Variants in MTUS1 observed in about 807,000 individuals in gnomAD.
MTUS1 encodes microtubule-associated tumor suppressor 1.
In MTUS1, 109 loss-of-function variants were observed where a neutral mutation model predicts 120.8. The observed-to-expected ratio is 0.90, with a 90% CI of 0.77 to 1.06. The LOEUF is 1.06. MTUS1 is among the 50% of genes least tolerant of loss of function. The pLI is 0.00. For missense variants in MTUS1, 2,210 were observed against 1,486.3 expected (o/e 1.49, Z -8.01); for synonymous variants, 737 against 550.5 (o/e 1.34, Z -4.74).
At chr8:17,656,969 G>A (rs1277479206) in intron 8 of MTUS1, among the ~76,000 whole-genome samples, 1 of 146,568 alleles carries the variant, frequency 6.8e-6, no homozygotes, top group Middle Eastern at 3.6e-3. Context: ...TGAGGCAGGA[G>A]AATGGCGTGA....
chr8:17,777,933 C>A (rs752539639), intron 1 of MTUS1, among the ~76,000 whole-genome samples: 1 of 152,072 alleles, frequency 6.6e-6, no homozygotes, highest in Admixed American at 6.5e-5. Context: ...ATGCAGTTTA[C>A]AAAACTAGGA....
At chr8:17,726,335 G>C (rs1026348146) in intron 3 of MTUS1, among the ~76,000 whole-genome samples, 1 of 152,148 alleles carries the variant, frequency 6.6e-6, no homozygotes, top group African/African-American at 2.4e-5. Context: ...CGTGGACTAA[G>C]CCTTGCTTTC....
chr8:17,779,785 A>AG (rs1245711935), intron 1 of MTUS1, among the ~76,000 whole-genome samples: 9 of 151,976 alleles, frequency 5.9e-5, no homozygotes, highest in South Asian at 2.1e-4. Context: ...CAAGTGTTGG[A>AG]GGGGGGGCGG....
At chr8:17,762,654 G>A (rs1260928906) in intron 1 of MTUS1, among the ~76,000 whole-genome samples, 1 of 152,178 alleles carries the variant, frequency 6.6e-6, no homozygotes, top group Non-Finnish European at 1.5e-5. Flanking sequence ...TTTCAAAATG[G>A]TGGACGGCTA....
Position 17,755,937 on chromosome 8 carries a change from T to C in MTUS1, c.-130A>G. 3 of 1,437,366 alleles carry C rather than the reference T, an allele frequency of 2.1e-6. No homozygotes were observed. The highest frequency in any genetic ancestry group is 1.8e-6 in the Non-Finnish European group (2 of 1,101,422). 89.0% of individuals were successfully genotyped at this position (1,437,366 alleles called of 1,614,324 possible). Reference sequence around the variant, plus strand: ...GAAAGGTTTTCAGTCTAAGATGCTCTGAAGATTAAATGATTTGTTGTTCCC... The same window carrying C: ...GAAAGGTTTTCAGTCTAAGATGCTCCGAAGATTAAATGATTTGTTGTTCCC... On this transcript the variant is annotated 5_prime_UTR_variant, in exon 2 of 15. Coordinates refer to ENST00000693296, the MANE Select transcript of MTUS1 (RefSeq NM_001363059.2).
At chr8:17,669,716 G>A (rs58202233) in intron 8 of MTUS1, among the ~76,000 whole-genome samples, 5,876 of 152,134 alleles carry the variant, frequency 0.039, 367 homozygotes, top group African/African-American at 0.13. Flanking sequence ...GTGGTGGTGC[G>A]CACCTGTATT....
chr8:17,762,005 T>G (rs997363125), intron 1 of MTUS1, among the ~76,000 whole-genome samples: 2 of 152,158 alleles, frequency 1.3e-5, no homozygotes, highest in African/African-American at 2.4e-5. Context: ...TGAGGCCTGG[T>G]GCAGTGGCTC....
chr8:17,740,834 A>G (rs1407985803), intron 3 of MTUS1, among the ~76,000 whole-genome samples: 4 of 152,068 alleles, frequency 2.6e-5, no homozygotes, highest in Non-Finnish European at 4.4e-5. Context: ...TTCTCATTCT[A>G]CCTCACATAC....
intron 2 of MTUS1, among the ~76,000 whole-genome samples, chr8:17,750,080 T>C (rs947232361): frequency 1.3e-5 from 2 of 152,234 alleles, no homozygotes; most frequent in African/African-American, 2.4e-5. Flanking sequence ...GCATGTTCCC[T>C]GTCATCACTC....
At position 17,669,320 on chromosome 8, in the gene MTUS1, G is replaced by A. The variant is rs111878128; in HGVS notation, c.2905+5866C>T. Among the ~76,000 whole-genome samples, 306 of 152,266 alleles carry A rather than the reference G, an allele frequency of 2.0e-3. 3 individuals carry two copies. The highest frequency in any genetic ancestry group is 7.2e-3 in the African/African-American group (299 of 41,542). On this transcript the variant is annotated intron_variant, in intron 8 of 14. Coordinates refer to ENST00000693296, the MANE Select transcript of MTUS1 (RefSeq NM_001363059.2). The stretch of plus-strand genomic sequence containing the variant: ...CCGCGACGGGAGGGGAGTGGAAAGA[G>A]GAGAGTGCACTCCAGGCAGAGAGGA...
intron 3 of MTUS1, among the ~76,000 whole-genome samples, chr8:17,736,591 CTTG>C (rs2046949943): frequency 6.6e-6 from 1 of 151,532 alleles, no homozygotes; most frequent in African/African-American, 2.4e-5. Context: ...TTATTTTTTG[CTTG>C]TTTTTTTTGA....
At chr8:17,694,235 C>G (rs1445458804) in intron 6 of MTUS1, among the ~76,000 whole-genome samples, 3 of 152,180 alleles carry the variant, frequency 2.0e-5, no homozygotes. Context: ...CCAGGAAGAG[C>G]AGTTTCAATG....
At chr8:17,722,193 G>A in intron 4 of MTUS1, 1 of 1,046,528 alleles carries the variant, frequency 9.6e-7, no homozygotes, top group Non-Finnish European at 1.2e-6. Flanking sequence ...GCACTTTACA[G>A]CCTCCTTAGG....
chr8:17,649,534 A>G (rs988554091), intron 13 of MTUS1, among the ~76,000 whole-genome samples: 1 of 152,198 alleles, frequency 6.6e-6, no homozygotes, highest in African/African-American at 2.4e-5. Context: ...CTGATTTTAC[A>G]TAGATATTTA....
intron 7 of MTUS1, among the ~76,000 whole-genome samples, chr8:17,680,011 T>C (rs1814016647): frequency 6.6e-6 from 1 of 152,184 alleles, no homozygotes; most frequent in Non-Finnish European, 1.5e-5. Flanking sequence ...AAGAACTAGA[T>C]GCAGATCCTG....
At chr8:17,801,149 C>G (rs955966568), upstream of MTUS1, among the ~76,000 whole-genome samples, 4 of 151,736 alleles carry the variant, frequency 2.6e-5, no homozygotes, top group Non-Finnish European at 5.9e-5. Context: ...CGCCGAGAAC[C>G]CGCCCCGGAG....
intron 3 of MTUS1, among the ~76,000 whole-genome samples, chr8:17,732,253 C>T (rs963229863): frequency 6.6e-6 from 1 of 152,224 alleles, no homozygotes; most frequent in Non-Finnish European, 1.5e-5. Context: ...CTCTAGCCCT[C>T]CCGAGGAATA....
At chr8:17,786,133 C>A (rs978444863) in intron 1 of MTUS1, among the ~76,000 whole-genome samples, 4 of 152,130 alleles carry the variant, frequency 2.6e-5, no homozygotes, top group Non-Finnish European at 5.9e-5. Flanking sequence ...GAGCGAGACC[C>A]CATCTCTGGA....
At chr8:17,668,301 C>T (rs1326891919) in intron 8 of MTUS1, among the ~76,000 whole-genome samples, 2 of 152,302 alleles carry the variant, frequency 1.3e-5, no homozygotes, top group East Asian at 3.9e-4. Context: ...TCCAACGTGG[C>T]CCGGGGAAGC....
Sources: gnomAD v4.1 joint callset for allele counts (sites outside exome capture counted in the v4.1 genomes callset) on GRCh38, gnomAD v4.1.1 for gene constraint, MANE v1.5 for transcripts, NCBI Gene and HGNC (gene_info 2026-07-23, HGNC 2026-07-21) for gene names.